Variants in SLC24A3 observed in about 807,000 individuals in gnomAD.
SLC24A3 encodes the protein sodium/potassium/calcium exchanger 3.
Under a neutral mutation model 75.8 loss-of-function variants are expected in SLC24A3, and 28 were observed. The ratio of observed to expected loss-of-function variants is 0.37; its 90% confidence interval spans 0.27 to 0.51. SLC24A3 has a LOEUF of 0.51. SLC24A3 is among the 20% of genes least tolerant of loss of function. The pLI is 0.94. For synonymous variants in SLC24A3, 372 were observed against 334.1 expected (o/e 1.11, Z -1.24); for missense variants, 663 against 847.8 (o/e 0.78, Z 2.71).
At chr20:19,691,889 T>C (rs919720830) in intron 12 of SLC24A3, among the ~76,000 whole-genome samples, 3 of 152,130 alleles carry the variant, frequency 2.0e-5, no homozygotes, top group Non-Finnish European at 4.4e-5. Context: ...GAGAGTTTAA[T>C]TAACTGAGTC....
intron 2 of SLC24A3, among the ~76,000 whole-genome samples, chr20:19,322,803 G>T (rs1051836468): frequency 6.6e-6 from 1 of 152,158 alleles, no homozygotes; most frequent in African/African-American, 2.4e-5. Flanking sequence ...GCCCTTCTCT[G>T]AGCTTGTAAG....
intron 2 of SLC24A3, among the ~76,000 whole-genome samples, chr20:19,340,511 C>T (rs894322336): frequency 1.3e-5 from 2 of 152,160 alleles, no homozygotes; most frequent in Non-Finnish European, 2.9e-5. Context: ...CCCTAGCAAA[C>T]GAATACAGAT....
chr20:19,620,396 T>C (rs2031788435), intron 6 of SLC24A3, among the ~76,000 whole-genome samples: 1 of 152,198 alleles, frequency 6.6e-6, no homozygotes, highest in African/African-American at 2.4e-5. Flanking sequence ...TCAAAACCAG[T>C]ATATTCTGCA....
At chr20:19,482,089 A>G (rs887981073) in intron 2 of SLC24A3, among the ~76,000 whole-genome samples, 6 of 152,168 alleles carry the variant, frequency 3.9e-5, no homozygotes, top group African/African-American at 1.2e-4. Context: ...CTCTGTACAC[A>G]TGACAGCCAG....
At chr20:19,406,379 G>A (rs1986647110) in intron 2 of SLC24A3, among the ~76,000 whole-genome samples, 1 of 152,138 alleles carries the variant, frequency 6.6e-6, no homozygotes. Context: ...TTTAGAATTT[G>A]AGGGGTTTGG....
chr20:19,297,063 A>C (rs946445182), intron 2 of SLC24A3, among the ~76,000 whole-genome samples: 1 of 152,218 alleles, frequency 6.6e-6, no homozygotes, highest in Admixed American at 6.5e-5. Flanking sequence ...TACTGAATGC[A>C]TATAGACCCA....
At chr20:19,699,434 G>T (rs901293236) in intron 15 of SLC24A3, among the ~76,000 whole-genome samples, 8 of 152,236 alleles carry the variant, frequency 5.3e-5, no homozygotes, top group African/African-American at 1.9e-4. Flanking sequence ...AAATTCACAA[G>T]AATTTGATGT....
intron 3 of SLC24A3, among the ~76,000 whole-genome samples, chr20:19,550,510 C>T (rs1486155336): frequency 6.6e-6 from 1 of 152,110 alleles, no homozygotes; most frequent in Admixed American, 6.5e-5. Context: ...TTATGTGTAG[C>T]AACTAAATCA....
chr20:19,629,724 C>G lies in SLC24A3; in HGVS notation c.613-24338C>G, dbSNP rs1036403745. Among the ~76,000 whole-genome samples the G allele has an allele frequency of 2.6e-5, 4 of 152,110 alleles. No homozygotes were observed. In the East Asian group the frequency reaches 7.7e-4, roughly 29 times the overall value. ...AATGGATTTCTCAGAAGAAGCCTTG[C>G]GGGCCAGAATGGATTGGGATGATAT... On this transcript the variant is annotated intron_variant, in intron 6 of 16. Coordinates refer to ENST00000328041, the MANE Select transcript of SLC24A3 (RefSeq NM_020689.4).
intron 2 of SLC24A3, among the ~76,000 whole-genome samples, chr20:19,499,109 A>G (rs1988345231): frequency 6.6e-6 from 1 of 152,174 alleles, no homozygotes; most frequent in Non-Finnish European, 1.5e-5. Context: ...TATGATTGCA[A>G]TTGTGTGAGC....
intron 16 of SLC24A3, among the ~76,000 whole-genome samples, chr20:19,720,114 A>G (rs1281043192): frequency 6.6e-6 from 1 of 152,252 alleles, no homozygotes; most frequent in Non-Finnish European, 1.5e-5. Context: ...AGTGCCACCC[A>G]GCAGACCTTT....
intron 13 of SLC24A3, chr20:19,694,595 A>G (rs1207197394): frequency 1.3e-5 from 2 of 152,106 alleles, no homozygotes; most frequent in East Asian, 3.9e-4. Flanking sequence ...GCCACCTCCT[A>G]TCTGGATTTG....
intron 2 of SLC24A3, among the ~76,000 whole-genome samples, chr20:19,492,386 A>G (rs978191577): frequency 6.6e-6 from 1 of 152,142 alleles, no homozygotes; most frequent in Non-Finnish European, 1.5e-5. Flanking sequence ...AATGGTGACA[A>G]CTCCACTTAT....
chr20:19,355,640 T>C (rs1405228616), intron 2 of SLC24A3, among the ~76,000 whole-genome samples: 1 of 152,196 alleles, frequency 6.6e-6, no homozygotes, highest in African/African-American at 2.4e-5. Context: ...TTCAAAAACA[T>C]AGCATAAAAT....
intron 14 of SLC24A3, chr20:19,697,504 G>A (rs1279952974): frequency 1.3e-5 from 2 of 152,654 alleles, no homozygotes; most frequent in African/African-American, 4.8e-5. Flanking sequence ...ACAGGTCCCA[G>A]AGGTCAGTTT....
At chr20:19,655,239 C>T (rs924559128) in intron 7 of SLC24A3, among the ~76,000 whole-genome samples, 8 of 152,164 alleles carry the variant, frequency 5.3e-5, no homozygotes, top group African/African-American at 9.7e-5. Context: ...ACTTACTCCC[C>T]GCTTCTCTCC....
At chr20:19,441,690 A>G (rs781766426) in intron 2 of SLC24A3, among the ~76,000 whole-genome samples, 1 of 152,100 alleles carries the variant, frequency 6.6e-6, no homozygotes, top group Non-Finnish European at 1.5e-5. Context: ...TATTAACTCA[A>G]CTTTATAGTT....
intron 2 of SLC24A3, among the ~76,000 whole-genome samples, chr20:19,424,745 CA>C (rs528342351): frequency 0.067 from 3,305 of 49,138 alleles, 187 homozygotes; most frequent in African/African-American, 0.23. Flanking sequence ...AAAACAACAA[CA>C]AAAAAAAAAA....
At chr20:19,435,562 G>A (rs1220994383) in intron 2 of SLC24A3, among the ~76,000 whole-genome samples, 1 of 152,196 alleles carries the variant, frequency 6.6e-6, no homozygotes, top group Non-Finnish European at 1.5e-5. Context: ...TGGACAGTTA[G>A]GGGTATCCCA....
Sources: gnomAD v4.1 joint callset for allele counts (sites outside exome capture counted in the v4.1 genomes callset) on GRCh38, gnomAD v4.1.1 for gene constraint, MANE v1.5 for transcripts, NCBI Gene and HGNC (gene_info 2026-07-23, HGNC 2026-07-21) for gene names.